Variants in TSPOAP1 observed in about 807,000 individuals in gnomAD.
The protein encoded by TSPOAP1 is TSPO associated protein 1.
TSPOAP1 carries 87 observed loss-of-function variants against 197.0 expected under a neutral mutation model. The observed-to-expected ratio is 0.44, with a 90% CI of 0.37 to 0.53. The LOEUF (loss-of-function observed/expected upper bound fraction) is 0.53, where lower values mean the gene tolerates loss of function less well. Among genes scored for constraint, TSPOAP1 ranks in the 20% least tolerant of loss-of-function variants. TSPOAP1 has a pLI of 0.00. For missense variants in TSPOAP1, 2,174 were observed against 2,411.3 expected, an observed-to-expected ratio of 0.90 and a Z score of 2.06; for synonymous variants, 913 against 998.9, an observed-to-expected ratio of 0.91 and a Z score of 1.62.
intron 26 of TSPOAP1, 110 bp from the exon 27 acceptor site, chr17:58,305,975 G>T: frequency 7.9e-7 from 1 of 1,261,940 alleles, no homozygotes; most frequent in South Asian, 1.4e-5. Context: ...GGCAAGGAAG[G>T]CTGCCGAGGG....
In TSPOAP1 at chr17:58,326,707, G is replaced by GATGGC; in HGVS notation, c.412_416dup (p.Ile139MetfsTer11). On this transcript the variant is annotated frameshift_variant, in exon 2 of 32. Coordinates refer to ENST00000343736, the MANE Select transcript of TSPOAP1 (RefSeq NM_004758.4). LOFTEE classifies it high-confidence loss of function. This position sits in a 1 kb window ranked among gnomAD's most constrained non-coding sequence, Gnocchi z 4.7. ...CCAGCATCTGGTTTTCCTCCTTAAG[G>GATGGC]ATGGCACAGCGCTGCCGCAGCTCCC... 1 of 1,614,090 alleles carries GATGGC rather than the reference G, an allele frequency of 6.2e-7. No individual in the cohort carries two copies. The highest frequency in any genetic ancestry group is 8.5e-7 in the Non-Finnish European group (1 of 1,180,022).
intron 18 of TSPOAP1, 33 bp from the exon 19 acceptor site, chr17:58,311,246 A>G: frequency 6.2e-7 from 1 of 1,602,422 alleles, no homozygotes; most frequent in Non-Finnish European, 8.5e-7. Context: ...GATGGGAAGC[A>G]GAGGCTGAGA....
Position 58,312,642 on chromosome 17 carries a change from G to C in TSPOAP1, c.2179C>G (p.Leu727Val), listed in dbSNP as rs138739517. ...RVSDDDLLTS[L>V]PPELADLSHS... ...GACAAATCGGCCAGCTCTGGAGGGAGGGAGGTCAGGAGGTCATCATCCGAC... is the reference window on the plus strand; with the variant it reads ...GACAAATCGGCCAGCTCTGGAGGGACGGAGGTCAGGAGGTCATCATCCGAC... Residue 727 changes from leucine to valine, a missense_variant, in exon 17 of 32, where the codon CTC (leucine) becomes GTC (valine). Physicochemically the swap from Leu to Val is conservative, Grantham distance 32. Coordinates refer to ENST00000343736, the MANE Select transcript of TSPOAP1 (RefSeq NM_004758.4). The C allele has an allele frequency of 2.0e-5, 33 of 1,613,834 alleles. 1 individual carries two copies. The Admixed American group carries it at 4.0e-4, about 20-fold the overall frequency.
In TSPOAP1 at chr17:58,327,886, TC is replaced by T. The variant is rs780251405; in HGVS notation, c.34del (p.Asp12ThrfsTer44). 1.2e-6 allele frequency: 2 copies of T among 1,605,802 alleles called. No homozygotes were observed. The highest frequency in any genetic ancestry group is 1.1e-5 in the South Asian group (1 of 90,954). ...EQLTTLPRPG[D>X]PGAMEPWALP... ...TGCCCATGGCTCCATGGCTCCAGGG[TC>T]CCCAGGCCGTGGGAGGGTTGTCAGT... On this transcript the variant is annotated frameshift_variant, in exon 1 of 32. Transcript: ENST00000343736. LOFTEE classifies it high-confidence loss of function.
intron 11 of TSPOAP1, 94 bp from the exon 12 acceptor site, chr17:58,320,223 A>G (rs1354430689): frequency 3.4e-6 from 5 of 1,457,832 alleles, no homozygotes; most frequent in Non-Finnish European, 4.8e-6. Flanking sequence ...GCCTAAGTGG[A>G]TATCATCCAG....
Position 58,323,002 on chromosome 17 carries a change from C to G in TSPOAP1, c.1142G>C (p.Arg381Pro). ...QLRQAQNENA[R>P]LVEENSRLSG... ...GAGCCGGGAGTTCTCCTCCACCAGG[C>G]GGGCATTCTCATTCTGCGCTTGTCT... is the stretch of plus-strand genomic sequence containing the variant. Residue 381 changes from arginine to proline, a missense_variant, in exon 8 of 32, where the codon CGC becomes CCC. Coordinates refer to ENST00000343736, the MANE Select transcript of TSPOAP1 (RefSeq NM_004758.4). The G allele has an allele frequency of 6.2e-7, 1 of 1,611,420 alleles. No homozygotes were observed. Among genetic ancestry groups the G allele is most frequent in the Non-Finnish European group, 8.5e-7 (1 of 1,178,966 alleles).
chr17:58,311,535 AC>A, intron 18 of TSPOAP1, 35 bp downstream of exon 18: 1 of 1,523,448 alleles, frequency 6.6e-7, no homozygotes, highest in Non-Finnish European at 8.8e-7. Context: ...GAAGGGACCC[AC>A]CCCCACTCCC....
chr17:58,305,305 T>G (rs1444800594), intron 29 of TSPOAP1, 82 bp downstream of exon 29: 3 of 1,550,156 alleles, frequency 1.9e-6, no homozygotes, highest in African/African-American at 1.4e-5. Context: ...TCCTCCGGAC[T>G]TCCTGAGGGT....
In TSPOAP1 at chr17:58,312,317, A is replaced by C; in HGVS notation, c.2504T>G (p.Leu835Arg). The C allele has an allele frequency of 6.2e-7, 1 of 1,612,868 alleles. No homozygotes were observed. Among genetic ancestry groups the C allele is most frequent in the South Asian group, 1.1e-5 (1 of 91,040 alleles). Residue 835 changes from leucine (L) to arginine (R), a missense_variant, in exon 17 of 32, where the codon CTG becomes CGG. This residue lies in a region of TSPOAP1 where 1,933 missense variants were observed against 2,139.0 expected (regional missense o/e 0.90). Transcript: ENST00000343736. Reference protein sequence around the residue: ...ICVNGELRQALGPGAPPKAVL... With the variant: ...ICVNGELRQARGPGAPPKAVL... ...GGCCTTGGGTGGCGCCCCAGGCCCC[A>C]GGGCCTGTCGCAGCTCCCCATTCAC...
intron 10 of TSPOAP1, among the ~76,000 whole-genome samples, chr17:58,321,258 A>G (rs1333800034): frequency 6.6e-6 from 1 of 151,860 alleles, no homozygotes; most frequent in Non-Finnish European, 1.5e-5. Flanking sequence ...TGGCTGTCAG[A>G]GAAGGGATTC....
Position 58,304,370 on chromosome 17 carries a change from C to G in TSPOAP1, c.5574G>C (p.Ter1858TyrextTer92). 2.5e-6 allele frequency: 4 copies of G among 1,613,988 alleles called. No individual in the cohort carries two copies. The highest frequency in any genetic ancestry group is 3.4e-6 in the Non-Finnish European group (4 of 1,179,846). Residue 1858 changes from the stop codon to tyrosine, a stop_lost, in exon 31 of 32, where the codon TAG (stop) becomes TAC (tyrosine). Transcript: ENST00000343736. This position sits in a 1 kb window ranked among gnomAD's most constrained non-coding sequence, Gnocchi z 4.2. The part of the protein sequence containing the change: ...QRTRRRRVQC[*>Y] ...TCTCTCTACATATATCTATCTCCAT[C>G]TAGCACTGGACTCTTCTCCTCCTCG...
In TSPOAP1 at chr17:58,308,882, C is replaced by A. The variant is rs1291309134; in HGVS notation, c.4390G>T (p.Ala1464Ser). 1.2e-6 allele frequency: 2 copies of A among 1,602,780 alleles called. No homozygotes were observed. The highest frequency in any genetic ancestry group is 1.7e-6 in the Non-Finnish European group (2 of 1,173,724). Residue 1464 changes from alanine (A) to serine (S), a missense_variant, in exon 22 of 32, where the codon GCT (alanine) becomes TCT (serine). Coordinates refer to ENST00000343736, the MANE Select transcript of TSPOAP1 (RefSeq NM_004758.4). ...VIEGPRTGLE[A>S]SGRGRLGPSR... ...GGGCCCAGCCGGCCTCTCCCGCTAG[C>A]CTCTAGTCCAGTCCTGGGGCCCTCA...
chr17:58,314,226 T>C (rs1045086762), intron 16 of TSPOAP1, among the ~76,000 whole-genome samples: 2 of 151,998 alleles, frequency 1.3e-5, no homozygotes, highest in East Asian at 3.9e-4. Context: ...GTAAGGAACT[T>C]GAAGAAACAA....
In TSPOAP1 at chr17:58,312,501, C is replaced by G. The variant is rs763450483; in HGVS notation, c.2320G>C (p.Asp774His). ...QPRPEEEDAG[D>H]ELSLSPSPEG... ...GGTGATGGGCTCAGACTGAGCTCGT[C>G]CCCTGCATCCTCCTCCTCAGGTCTG... Residue 774 changes from aspartate (D) to histidine (H), a missense_variant, in exon 17 of 32, where the codon GAC (aspartate) becomes CAC (histidine). Around this residue, in one of 5 missense-constraint regions of TSPOAP1, gnomAD observed 1,933 missense variants for 2,139.0 expected, o/e 0.90. Transcript: ENST00000343736. 3 of 1,601,738 alleles carry G rather than the reference C, an allele frequency of 1.9e-6. No homozygotes were observed. The highest frequency in any genetic ancestry group is 2.6e-6 in the Non-Finnish European group (3 of 1,174,018).
chr17:58,324,760 C>T lies in TSPOAP1; in HGVS notation c.942+51G>A. 6 of 1,301,408 alleles carry T rather than the reference C, an allele frequency of 4.6e-6. No individual in the cohort carries two copies. Among genetic ancestry groups the T allele is most frequent in the Non-Finnish European group, 5.9e-6 (6 of 1,011,098 alleles). 80.6% of individuals were successfully genotyped at this position (1,301,408 alleles called of 1,614,324 possible). On this transcript the variant is annotated intron_variant, in intron 5 of 31. Coordinates refer to ENST00000343736, the MANE Select transcript of TSPOAP1 (RefSeq NM_004758.4). This position sits in a 1 kb window ranked among gnomAD's most constrained non-coding sequence, Gnocchi z 5.8. ...GCAGGGGAGATCCCGGTGGTCGTTC[C>T]CCCCACCCATCTGCACGCACCCACA...
At position 58,304,097 on chromosome 17, in the gene TSPOAP1, C is replaced by A; in HGVS notation, c.*32+241G>T. 5.9e-6 allele frequency: 3 copies of A among 509,574 alleles called. No individual in the cohort carries two copies. Among genetic ancestry groups the A allele is most frequent in the South Asian group, 2.6e-5 (1 of 38,770 alleles). The allele number at this position is 509,574 out of a possible 1,614,324, so 31.6% of individuals were successfully genotyped here. A position where few individuals can be genotyped will look rare whatever the true frequency, so the allele number is the denominator to read the frequency against. The stretch of plus-strand genomic sequence containing the variant: ...ATCAGCTAATATGGGACATCACACA[C>A]TAAGATGACATGTAATCCTATGACA... On this transcript the variant is annotated intron_variant, in intron 31 of 31. Coordinates refer to ENST00000343736, the MANE Select transcript of TSPOAP1 (RefSeq NM_004758.4). This position sits in a 1 kb window ranked among gnomAD's most constrained non-coding sequence, Gnocchi z 4.2.
In TSPOAP1 at chr17:58,304,041, TATA is replaced by T. The variant is rs1970794669; in HGVS notation, c.*32+294_*32+296del. 1.1e-5 allele frequency: 4 copies of T among 350,562 alleles called. No individual in the cohort carries two copies. The South Asian group carries it at 1.7e-4, about 15-fold the overall frequency. The allele number at this position is 350,562 out of a possible 1,614,324, so 21.7% of individuals were successfully genotyped here. ...CTAATATGGATGTCACGTCATGTTC[TATA>T]AACCACATGTGTTATAGAATAGGAA... On this transcript the variant is annotated intron_variant, in intron 31 of 31. Coordinates refer to ENST00000343736, the MANE Select transcript of TSPOAP1 (RefSeq NM_004758.4). The surrounding 1 kb of genome is among the most constrained non-coding windows in gnomAD (Gnocchi z 4.2).
rs2143164251 is a variant in TSPOAP1 at position 58,326,866 on chromosome 17, CCA to C, written c.334-78_334-77del. 1 of 1,239,830 alleles carries C rather than the reference CCA, an allele frequency of 8.1e-7. No homozygotes were observed. The highest frequency in any genetic ancestry group is 1.2e-5 in the South Asian group (1 of 82,230). The allele number at this position is 1,239,830 out of a possible 1,614,324, so 76.8% of individuals were successfully genotyped here. The stretch of plus-strand genomic sequence containing the variant: ...GCCAGAGCCTTCCCTGTGGAAGCAT[CCA>C]CCATCCATGGTCCAAGGAGACATGG... On this transcript the variant is annotated intron_variant, in intron 1 of 31. Coordinates refer to ENST00000343736, the MANE Select transcript of TSPOAP1 (RefSeq NM_004758.4). The surrounding 1 kb of genome is among the most constrained non-coding windows in gnomAD (Gnocchi z 4.7).
chr17:58,324,748 CG>C lies in TSPOAP1; in HGVS notation c.942+62del. On this transcript the variant is annotated intron_variant, in intron 5 of 31. Coordinates refer to ENST00000343736, the MANE Select transcript of TSPOAP1 (RefSeq NM_004758.4). This position sits in a 1 kb window ranked among gnomAD's most constrained non-coding sequence, Gnocchi z 5.8. ...TCTGAGCACGGTGCAGGGGAGATCC[CG>C]GTGGTCGTTCCCCCCACCCATCTGC... is the stretch of plus-strand genomic sequence containing the variant. The C allele has an allele frequency of 1.5e-6, 2 of 1,328,198 alleles. No homozygotes were observed. The highest frequency in any genetic ancestry group is 2.0e-6 in the Non-Finnish European group (2 of 1,006,588). The allele number at this position is 1,328,198 out of a possible 1,614,324, so 82.3% of individuals were successfully genotyped here.
Sources: allele counts gnomAD v4.1 joint callset (sites outside exome capture counted in the v4.1 genomes callset), GRCh38; gene constraint gnomAD v4.1.1; regional missense constraint gnomAD v4.1.1; non-coding constraint Gnocchi (gnomAD v3.1); transcripts MANE v1.5; gene names NCBI Gene and HGNC (gene_info 2026-07-23, HGNC 2026-07-21).